The following ATOSA variants were observed in gnomAD, a reference collection of about 807,000 sequenced individuals.
ATOSA encodes atos homolog protein A.
the ATOSA span, among the ~76,000 whole-genome samples, chr15:52,687,186 A>G: frequency 6.6e-6 from 1 of 152,188 alleles, no homozygotes; most frequent in Admixed American, 6.5e-5. Context: ...TGGGTGGGTC[A>G]CGAGGTCAGG....
chr15:52,605,155 C>G, the ATOSA span: 3 of 1,608,590 alleles, frequency 1.9e-6, no homozygotes, highest in African/African-American at 1.3e-5. Context: ...AAGAGGCAAT[C>G]CAGTTTGAGG....
chr15:52,661,926 C>A, the ATOSA span, among the ~76,000 whole-genome samples: 2 of 67,400 alleles, frequency 3.0e-5, no homozygotes, highest in Non-Finnish European at 2.7e-5. Flanking sequence ...TCTTACAAGC[C>A]AGGCCAAAAA....
the ATOSA span, among the ~76,000 whole-genome samples, chr15:52,686,326 A>G: frequency 6.6e-6 from 1 of 152,254 alleles, no homozygotes; most frequent in African/African-American, 2.4e-5. Context: ...AGTAGATATA[A>G]ACAGCAGCAG....
chr15:52,643,368 T>A, the ATOSA span, among the ~76,000 whole-genome samples: 3 of 152,016 alleles, frequency 2.0e-5, no homozygotes, highest in African/African-American at 7.2e-5. Context: ...CATACCTCAC[T>A]GCAGCCCTGA....
At chr15:52,647,527 A>T in the ATOSA span, among the ~76,000 whole-genome samples, 1 of 152,248 alleles carries the variant, frequency 6.6e-6, no homozygotes, top group African/African-American at 2.4e-5. Flanking sequence ...TCTGCCTTCC[A>T]GGCAGCTGGC....
chr15:52,590,745 C>T, the ATOSA span: 2 of 152,184 alleles, frequency 1.3e-5, no homozygotes, highest in African/African-American at 4.8e-5. Context: ...AAGACTGGAA[C>T]TGGGTCACTT....
the ATOSA span, among the ~76,000 whole-genome samples, chr15:52,592,823 C>G: frequency 1.3e-5 from 2 of 152,124 alleles, no homozygotes; most frequent in African/African-American, 2.4e-5. Context: ...AAGACATTAG[C>G]GTGAGTCTGA....
chr15:52,694,046 C>T, the ATOSA span, among the ~76,000 whole-genome samples: 1 of 152,082 alleles, frequency 6.6e-6, no homozygotes, highest in South Asian at 2.1e-4. Flanking sequence ...TATACATATC[C>T]TCCAAATATA....
At chr15:52,606,949 T>A in the ATOSA span, among the ~76,000 whole-genome samples, 1 of 152,162 alleles carries the variant, frequency 6.6e-6, no homozygotes, top group Non-Finnish European at 1.5e-5. Context: ...AAGTGAAGCC[T>A]AATGATTTTT....
chr15:52,623,786 A>AT, the ATOSA span, among the ~76,000 whole-genome samples: 1 of 152,244 alleles, frequency 6.6e-6, no homozygotes, highest in South Asian at 2.1e-4. Context: ...TCTGAAGAGT[A>AT]TAAACGATAA....
the ATOSA span, among the ~76,000 whole-genome samples, chr15:52,703,389 A>G: frequency 6.6e-6 from 1 of 152,184 alleles, no homozygotes; most frequent in African/African-American, 2.4e-5. Context: ...TAAAAGATCA[A>G]TTTCATTCAT....
At chr15:52,613,142 C>T in the ATOSA span, among the ~76,000 whole-genome samples, 5 of 151,898 alleles carry the variant, frequency 3.3e-5, no homozygotes, top group African/African-American at 4.8e-5. Flanking sequence ...CTGAGGAGGG[C>T]GGATCATGAG....
At chr15:52,625,857 C>T in the ATOSA span, among the ~76,000 whole-genome samples, 1 of 152,164 alleles carries the variant, frequency 6.6e-6, no homozygotes, top group Non-Finnish European at 1.5e-5. Flanking sequence ...CAGCATAGAG[C>T]AGTAGTAAAG....
the ATOSA span, chr15:52,656,303 G>C: frequency 6.6e-6 from 1 of 151,924 alleles, no homozygotes; most frequent in Non-Finnish European, 1.5e-5. Flanking sequence ...TGTGATGTTA[G>C]GTCAGTTCAG....
At chr15:52,592,601 G>A in the ATOSA span, among the ~76,000 whole-genome samples, 21 of 152,148 alleles carry the variant, frequency 1.4e-4, no homozygotes, top group Non-Finnish European at 2.9e-4. Context: ...GGCCACACTG[G>A]TAGAAGAATT....
At chr15:52,615,882 T>C in the ATOSA span, among the ~76,000 whole-genome samples, 8 of 152,210 alleles carry the variant, frequency 5.3e-5, no homozygotes, top group South Asian at 1.0e-3. Context: ...TGAGGACTAT[T>C]ACTTCTATTT....
At chr15:52,673,557 A>T in the ATOSA span, among the ~76,000 whole-genome samples, 1 of 152,256 alleles carries the variant, frequency 6.6e-6, no homozygotes, top group Non-Finnish European at 1.5e-5. Flanking sequence ...TATGTGAAGT[A>T]CTTAAGACAG....
the ATOSA span, chr15:52,587,273 G>A: frequency 7.1e-7 from 1 of 1,418,006 alleles, no homozygotes; most frequent in African/African-American, 1.4e-5. Flanking sequence ...GTACATAAAA[G>A]ACTAAAATAA....
At chr15:52,638,822 G>T in the ATOSA span, among the ~76,000 whole-genome samples, 2 of 151,586 alleles carry the variant, frequency 1.3e-5, no homozygotes, top group Non-Finnish European at 2.9e-5. Context: ...ACATAAAACT[G>T]CTCTAAAAAC....
Sources: allele counts gnomAD v4.1 joint callset (sites outside exome capture counted in the v4.1 genomes callset), GRCh38; gene constraint gnomAD v4.1.1; transcripts MANE v1.5; gene names NCBI Gene and HGNC (gene_info 2026-07-23, HGNC 2026-07-21).